The following LRMDA variants were observed in gnomAD, a reference collection of about 807,000 sequenced individuals.
LRMDA encodes the protein leucine-rich melanocyte differentiation-associated protein.
A neutral mutation model predicts 29.8 loss-of-function variants in LRMDA; 18 were observed. The ratio of observed to expected loss-of-function variants is 0.60; its 90% CI spans 0.42 to 0.90. The LOEUF is 0.90. LRMDA is among the 40% of genes least tolerant of loss of function. The pLI is 0.00. For missense variants in LRMDA, 273 were observed against 273.9 expected, an observed-to-expected ratio of 1.00 and a Z score of 0.02; for synonymous variants, 125 against 109.4, an observed-to-expected ratio of 1.14 and a Z score of -0.89.
At chr10:75,535,788 C>T (rs949582738) in intron 2 of LRMDA, among the ~76,000 whole-genome samples, 8 of 152,196 alleles carry the variant, frequency 5.3e-5, no homozygotes, top group Non-Finnish European at 8.8e-5. Context: ...TGCTCTGCCT[C>T]AGGTTCCGGA....
At chr10:76,050,540 T>C (rs144434424) in intron 4 of LRMDA, among the ~76,000 whole-genome samples, 104 of 152,320 alleles carry the variant, frequency 6.8e-4, no homozygotes, top group Middle Eastern at 6.8e-3. Context: ...TATAGGAGCT[T>C]AAACCTGTCT....
chr10:76,394,825 C>T (rs1841763965), intron 6 of LRMDA, among the ~76,000 whole-genome samples: 1 of 152,166 alleles, frequency 6.6e-6, no homozygotes, highest in Non-Finnish European at 1.5e-5. Context: ...CCCAGGCATG[C>T]TTTAATCACT....
At chr10:76,145,945 T>G (rs1192726111) in intron 5 of LRMDA, among the ~76,000 whole-genome samples, 22 of 150,774 alleles carry the variant, frequency 1.5e-4, no homozygotes, top group African/African-American at 4.7e-4. Context: ...CATTTTGTTA[T>G]GTACCCAGTA....
chr10:76,111,360 G>A (rs1425564392), intron 5 of LRMDA, among the ~76,000 whole-genome samples: 7 of 152,344 alleles, frequency 4.6e-5, no homozygotes, highest in East Asian at 1.9e-4. Flanking sequence ...GACGAAGTCC[G>A]TACTCAATAC....
At chr10:75,714,829 C>A (rs530823923) in intron 2 of LRMDA, among the ~76,000 whole-genome samples, 2 of 147,918 alleles carry the variant, frequency 1.4e-5, no homozygotes, top group South Asian at 4.3e-4. Flanking sequence ...TTCCCTTCCT[C>A]CTTCTTTCCC....
At chr10:76,299,278 C>T (rs1188897884) in intron 5 of LRMDA, among the ~76,000 whole-genome samples, 1 of 151,948 alleles carries the variant, frequency 6.6e-6, no homozygotes, top group Non-Finnish European at 1.5e-5. Flanking sequence ...CTGCAGTTTG[C>T]ATGGCTGATA....
At position 76,453,781 on chromosome 10, in the gene LRMDA, C is replaced by G. The variant is rs375268008; in HGVS notation, c.602-103428C>G. Among the ~76,000 whole-genome samples the G allele has an allele frequency of 3.9e-5, 6 of 152,056 alleles. No individual in the cohort carries two copies. In the South Asian group the frequency reaches 8.3e-4, roughly 21 times the overall value. On this transcript the variant is annotated intron_variant, in intron 6 of 6. Transcript: ENST00000611255. ...AGAAATTCCTTTATTAAATTAGAGC[C>G]CAGTTGGCTGATTAGGGTTCTAATG...
At chr10:75,984,491 T>G (rs1192696435) in intron 2 of LRMDA, among the ~76,000 whole-genome samples, 1 of 152,170 alleles carries the variant, frequency 6.6e-6, no homozygotes, top group African/African-American at 2.4e-5. Context: ...CTGGTCACGG[T>G]CCAAGGGAAC....
intron 2 of LRMDA, among the ~76,000 whole-genome samples, chr10:75,751,093 C>T (rs1340595326): frequency 1.3e-5 from 2 of 152,248 alleles, no homozygotes; most frequent in Non-Finnish European, 2.9e-5. Flanking sequence ...GCGGGCAGAT[C>T]ACTCGCGGTC....
chr10:75,839,104 C>G (rs1301518422), intron 2 of LRMDA, among the ~76,000 whole-genome samples: 1 of 152,160 alleles, frequency 6.6e-6, no homozygotes, highest in African/African-American at 2.4e-5. Flanking sequence ...ATACATAGAG[C>G]AGTTGTCATT....
intron 2 of LRMDA, among the ~76,000 whole-genome samples, chr10:75,847,759 AC>A: frequency 1.3e-5 from 2 of 152,356 alleles, no homozygotes; most frequent in East Asian, 3.9e-4. Context: ...ATTCAACATC[AC>A]TAATCATAAG....
At chr10:76,472,621 G>A (rs1842629176) in intron 6 of LRMDA, among the ~76,000 whole-genome samples, 1 of 151,266 alleles carries the variant, frequency 6.6e-6, no homozygotes, top group South Asian at 2.1e-4. Context: ...TTCTTTAAAA[G>A]GATCAACAAA....
intron 2 of LRMDA, among the ~76,000 whole-genome samples, chr10:75,971,331 T>C (rs1287805817): frequency 6.6e-6 from 1 of 152,210 alleles, no homozygotes; most frequent in African/African-American, 2.4e-5. Flanking sequence ...AGGGTGATTA[T>C]GGGGCCTTCT....
intron 5 of LRMDA, among the ~76,000 whole-genome samples, chr10:76,298,313 C>T (rs1840438155): frequency 6.6e-6 from 1 of 152,170 alleles, no homozygotes; most frequent in Non-Finnish European, 1.5e-5. Flanking sequence ...TTGGAGAAAT[C>T]CAGTTGGCTG....
chr10:75,944,542 T>C (rs1419004452), intron 2 of LRMDA, among the ~76,000 whole-genome samples: 1 of 151,772 alleles, frequency 6.6e-6, no homozygotes, highest in Admixed American at 6.6e-5. Flanking sequence ...TCTAATTGCA[T>C]GTATGTTAGA....
At chr10:76,364,659 G>A (rs990939102) in intron 6 of LRMDA, among the ~76,000 whole-genome samples, 1 of 151,990 alleles carries the variant, frequency 6.6e-6, no homozygotes, top group Non-Finnish European at 1.5e-5. Flanking sequence ...TGTAATTATG[G>A]CATAACTTGC....
chr10:76,179,237 A>AGG lies in LRMDA; in HGVS notation c.516+120461_516+120462dup, dbSNP rs778587466. On this transcript the variant is annotated intron_variant, in intron 5 of 6. Coordinates refer to ENST00000611255, the MANE Select transcript of LRMDA (RefSeq NM_001305581.2). Reference sequence around the variant, plus strand: ...TGAAAAGAATAGGATGCAATCAAGGAGGGGGGGGTGGTGGAGGAGTAGAGG... The same window carrying AGG: ...TGAAAAGAATAGGATGCAATCAAGGAGGGGGGGGGGTGGTGGAGGAGTAGAGG... 1.0e-3 allele frequency among the ~76,000 whole-genome samples: 154 copies of AGG among 151,574 alleles called. 3 individuals are homozygous for AGG. In the East Asian group the frequency reaches 0.028, roughly 27 times the overall value.
chr10:76,190,685 T>A (rs577885865), intron 5 of LRMDA, among the ~76,000 whole-genome samples: 132 of 152,322 alleles, frequency 8.7e-4, no homozygotes, highest in African/African-American at 3.0e-3. Flanking sequence ...TGCATTGAAG[T>A]GTTTCTAACA....
At chr10:75,708,945 G>A (rs1664235342) in intron 2 of LRMDA, among the ~76,000 whole-genome samples, 1 of 152,182 alleles carries the variant, frequency 6.6e-6, no homozygotes, top group African/African-American at 2.4e-5. Context: ...AAAAGAACTT[G>A]TGTTTGAAGG....
Sources: allele counts gnomAD v4.1 joint callset (sites outside exome capture counted in the v4.1 genomes callset), GRCh38; gene constraint gnomAD v4.1.1; transcripts MANE v1.5; gene names NCBI Gene and HGNC (gene_info 2026-07-23, HGNC 2026-07-21).